COL4A3: variants seen among roughly 807,000 people sequenced by gnomAD.
COL4A3 encodes the protein collagen type IV alpha 3 chain.
In COL4A3, 135 loss-of-function variants were observed where a neutral mutation model predicts 217.4. The ratio of observed to expected loss-of-function variants is 0.62; its 90% CI spans 0.54 to 0.72. The LOEUF is 0.72. COL4A3 is among the 30% of genes least tolerant of loss of function. The pLI, the probability that COL4A3 is intolerant of heterozygous loss-of-function variation, is 0.00. For missense variants in COL4A3, 1,868 were observed against 2,119.9 expected (o/e 0.88, Z 2.33); for synonymous variants, 690 against 736.3 (o/e 0.94, Z 1.02).
Position 227,267,179 on chromosome 2 carries a change from A to G in COL4A3, c.1504+91A>G, listed in dbSNP as rs1179258261. On this transcript the variant is annotated intron_variant, in intron 23 of 51. Coordinates refer to ENST00000396578, the MANE Select transcript of COL4A3 (RefSeq NM_000091.5). ...AAGGCATTGGATTGGTGGATGTCAC[A>G]ACGTGGTTTAGATGAACTTGGAGGG... 4 of 915,682 alleles carry G rather than the reference A, an allele frequency of 4.4e-6. No individual in the cohort carries two copies. The African/African-American group carries it at 6.5e-5, about 15-fold the overall frequency. The allele number at this position is 915,682 out of a possible 1,614,324, so 56.7% of individuals were successfully genotyped here. A position where few individuals can be genotyped will look rare whatever the true frequency, so the allele number is the denominator to read the frequency against.
At position 227,298,687 on chromosome 2, in the gene COL4A3, C is replaced by A. The variant is rs1241462554; in HGVS notation, c.3757C>A (p.Pro1253Thr). The change falls in exon 43 of 52, where the codon CCT becomes ACT. Residue 1253 changes from proline to threonine, a missense_variant. Pro to Thr is a conservative substitution (Grantham distance 38). Transcript: ENST00000396578. Reference sequence around the variant, plus strand: ...CAGACTTTTCATGAATTCAGGTGCGCCTGGTCCCCCTGGACCTCCAGGGAG... The same window carrying A: ...CAGACTTTTCATGAATTCAGGTGCGACTGGTCCCCCTGGACCTCCAGGGAG... ...PPGSRGSPGA[P>T]GPPGPPGSHV... The A allele has an allele frequency of 1.2e-6, 2 of 1,613,860 alleles. No individual in the cohort carries two copies. The highest frequency in any genetic ancestry group is 2.7e-5 in the African/African-American group (2 of 74,924).
intron 1 of COL4A3, among the ~76,000 whole-genome samples, chr2:227,202,591 C>T (rs935095203): frequency 1.3e-4 from 20 of 151,250 alleles, no homozygotes; most frequent in East Asian, 7.8e-4. Flanking sequence ...AAAAATTAGC[C>T]GGGCGCGGTG....
intron 4 of COL4A3, 33 bp from the exon 5 acceptor site, chr2:227,244,918 T>G (rs2069236819): frequency 6.2e-7 from 1 of 1,609,592 alleles, no homozygotes; most frequent in Admixed American, 1.7e-5. Flanking sequence ...GTTTTTTTTT[T>G]TTGCCACCCC....
intron 1 of COL4A3, among the ~76,000 whole-genome samples, chr2:227,234,156 G>A (rs1359977047): frequency 6.6e-6 from 1 of 152,058 alleles, no homozygotes; most frequent in African/African-American, 2.4e-5. Flanking sequence ...TGATTTGGGG[G>A]AAAGTGGTGT....
In COL4A3 at chr2:227,266,956, TA is replaced by T. The variant is rs759362689; in HGVS notation, c.1409-36del. The T allele has an allele frequency of 2.6e-5, 37 of 1,408,578 alleles. No homozygotes were observed. In the African/African-American group the frequency reaches 4.5e-4, roughly 17 times the overall value. 87.3% of individuals were successfully genotyped at this position (1,408,578 alleles called of 1,614,324 possible). A position where few individuals can be genotyped will look rare whatever the true frequency, so the allele number is the denominator to read the frequency against. ...ATTTGTTCTTTCTGAGGACTCAATG[TA>T]GCTTTTTAAGTAATGCTAGTATGCT... On this transcript the variant is annotated intron_variant, in intron 22 of 51. Transcript: ENST00000396578.
chr2:227,294,439 C>T (rs1189574556), intron 38 of COL4A3, 51 bp from the exon 39 acceptor site: 1 of 1,153,878 alleles, frequency 8.7e-7, no homozygotes, highest in African/African-American at 1.5e-5. Context: ...CTGTTGTAAT[C>T]ATTTATCTTT....
At chr2:227,218,080 CTA>C (rs10606625) in intron 1 of COL4A3, among the ~76,000 whole-genome samples, 1,689 of 118,344 alleles carry the variant, frequency 0.014, 27 homozygotes, top group East Asian at 0.059. Context: ...ATATATATAG[CTA>C]TATATATATA....
Position 227,176,385 on chromosome 2 carries a change from TTAAA to T in COL4A3, c.87+11576_87+11579del, listed in dbSNP as rs547209573. 4.7e-4 allele frequency among the ~76,000 whole-genome samples: 72 copies of T among 152,346 alleles called. 2 individuals are homozygous for T. In the South Asian group the frequency reaches 7.9e-3, roughly 17 times the overall value. On this transcript the variant is annotated intron_variant, in intron 1 of 51. Transcript: ENST00000396578. ...CATATAAATTTGCACACACGTATATTTAAATAATATTTTATATTCTCAGCATTTT... is the reference window on the plus strand; with the variant it reads ...CATATAAATTTGCACACACGTATATTTAATATTTTATATTCTCAGCATTTT...
intron 34 of COL4A3, among the ~76,000 whole-genome samples, chr2:227,285,277 TAAAAAAAAAAA>T (rs764697409): frequency 4.1e-5 from 3 of 72,374 alleles, no homozygotes; most frequent in South Asian, 7.4e-4. Context: ...CTGCCAAACC[TAAAAAAAAAAA>T]AAAAAAAAAA....
chr2:227,188,776 T>C (rs1191881533), intron 1 of COL4A3, among the ~76,000 whole-genome samples: 3 of 152,174 alleles, frequency 2.0e-5, no homozygotes, highest in Admixed American at 6.5e-5. Flanking sequence ...ATTCAACAAA[T>C]ATTTATAAGG....
At chr2:227,249,230 A>ATATATATATATATATATATATTTTTT in intron 9 of COL4A3, among the ~76,000 whole-genome samples, 1 of 14,692 alleles carries the variant, frequency 6.8e-5, no homozygotes, top group African/African-American at 2.7e-4. Context: ...ATATATATAT[A>ATATATATATATATATATATATTTTTT]TTTTTTTTTT....
At chr2:227,281,453 T>C (rs942743302) in intron 31 of COL4A3, among the ~76,000 whole-genome samples, 3 of 152,150 alleles carry the variant, frequency 2.0e-5, no homozygotes, top group Non-Finnish European at 2.9e-5. Flanking sequence ...TTGTTTTACA[T>C]ACAATATAAA....
chr2:227,204,921 ATACATAATACATGAAGT>A (rs1284120390), intron 1 of COL4A3, among the ~76,000 whole-genome samples: 1 of 152,224 alleles, frequency 6.6e-6, no homozygotes, highest in Non-Finnish European at 1.5e-5. Context: ...GCGTGGGCAC[ATACATAATACATGAAGT>A]TGTGTGCAGG....
At chr2:227,206,868 A>G (rs1365823820) in intron 1 of COL4A3, among the ~76,000 whole-genome samples, 4 of 152,224 alleles carry the variant, frequency 2.6e-5, no homozygotes, top group Admixed American at 6.5e-5. Context: ...CCCATTTTCT[A>G]GATGAAGAAA....
intron 1 of COL4A3, among the ~76,000 whole-genome samples, chr2:227,187,790 G>A (rs1304086762): frequency 6.6e-6 from 1 of 152,134 alleles, no homozygotes; most frequent in East Asian, 1.9e-4. Flanking sequence ...ATTCATTCAT[G>A]TCTTCTCCTT....
chr2:227,245,746 C>A, intron 5 of COL4A3: 1 of 622,028 alleles, frequency 1.6e-6, no homozygotes, highest in Admixed American at 2.5e-5. Context: ...GAAATATCCA[C>A]ATCTCATTTG....
intron 27 of COL4A3, among the ~76,000 whole-genome samples, chr2:227,277,048 G>A (rs180810973): frequency 9.2e-5 from 14 of 152,280 alleles, no homozygotes; most frequent in East Asian, 1.9e-4. Flanking sequence ...GGCCGGGCAC[G>A]GTGGCTCACG....
chr2:227,303,181 T>C (rs968468049), intron 44 of COL4A3, 71 bp downstream of exon 44: 51 of 1,360,954 alleles, frequency 3.7e-5, no homozygotes, highest in Non-Finnish European at 5.0e-5. Context: ...GGCACACAAG[T>C]GTTTGCTGAA....
At position 227,290,788 on chromosome 2, in the gene COL4A3, G is replaced by T; in HGVS notation, c.3112G>T (p.Ala1038Ser). Residue 1038 changes from alanine (A) to serine (S), a missense_variant, in exon 37 of 52, where the codon GCA (alanine) becomes TCA (serine). Coordinates refer to ENST00000396578, the MANE Select transcript of COL4A3 (RefSeq NM_000091.5). ...KRGTLGFPGRAGRPGLPGIHG... is the reference protein window; with the variant it reads ...KRGTLGFPGRSGRPGLPGIHG... ...GGGAACTTTGGGATTCCCAGGTCGA[G>T]CAGGAAGACCAGGCCTCCCAGGTAT... is the stretch of plus-strand genomic sequence containing the variant. 6.2e-7 allele frequency: 1 copy of T among 1,613,634 alleles called. No individual in the cohort carries two copies. Among genetic ancestry groups the T allele is most frequent in the Non-Finnish European group, 8.5e-7 (1 of 1,179,946 alleles).
Sources: allele counts gnomAD v4.1 joint callset (sites outside exome capture counted in the v4.1 genomes callset), GRCh38; gene constraint gnomAD v4.1.1; transcripts MANE v1.5; gene names NCBI Gene and HGNC (gene_info 2026-07-23, HGNC 2026-07-21).